The following GARNL3 variants were observed in gnomAD, a reference collection of about 807,000 sequenced individuals.
The protein encoded by GARNL3 is GTPase-activating Rap/Ran-GAP domain-like protein 3.
In GARNL3, 63 loss-of-function variants were observed where a neutral mutation model predicts 125.0. The ratio of observed to expected loss-of-function variants is 0.50; its 90% confidence interval spans 0.41 to 0.62. The LOEUF (loss-of-function observed/expected upper bound fraction) is 0.62, where lower values mean the gene tolerates loss of function less well. Among genes scored for constraint, GARNL3 ranks in the 20% least tolerant of loss-of-function variants. The probability of loss-of-function intolerance (pLI) is 0.00; values close to 1 mark genes in which losing one functional copy is unlikely to be tolerated. For synonymous variants in GARNL3, 439 were observed against 457.5 expected (o/e 0.96, Z 0.52); for missense variants, 994 against 1,244.0 (o/e 0.80, Z 3.02).
intron 1 of GARNL3, among the ~76,000 whole-genome samples, chr9:127,239,045 C>A (rs1419217000): frequency 1.3e-5 from 2 of 152,184 alleles, no homozygotes; most frequent in Non-Finnish European, 2.9e-5. Flanking sequence ...CCACATTTTC[C>A]CATCAGTCCA....
At chr9:127,267,353 A>T (rs894296857) in intron 1 of GARNL3, among the ~76,000 whole-genome samples, 1 of 152,192 alleles carries the variant, frequency 6.6e-6, no homozygotes, top group Non-Finnish European at 1.5e-5. Flanking sequence ...TCCAGTCCTT[A>T]TAGCTACAAA....
intron 2 of GARNL3, among the ~76,000 whole-genome samples, chr9:127,295,043 G>A (rs547780380): frequency 6.6e-6 from 1 of 152,226 alleles, no homozygotes; most frequent in Non-Finnish European, 1.5e-5. Flanking sequence ...TTCTCAGACT[G>A]TCCATCTTTT....
At chr9:127,232,658 T>G (rs2063039683) in intron 1 of GARNL3, among the ~76,000 whole-genome samples, 1 of 152,212 alleles carries the variant, frequency 6.6e-6, no homozygotes, top group Non-Finnish European at 1.5e-5. Context: ...TACCAGTAGT[T>G]AAATTTTTTC....
intron 2 of GARNL3, among the ~76,000 whole-genome samples, chr9:127,248,483 G>A (rs922619725): frequency 1.3e-5 from 2 of 152,064 alleles, no homozygotes; most frequent in Non-Finnish European, 2.9e-5. Context: ...TTGCCCCAGG[G>A]TGTAAACTTG....
At chr9:127,328,737 C>T (rs1266671082) in intron 7 of GARNL3, among the ~76,000 whole-genome samples, 1 of 152,160 alleles carries the variant, frequency 6.6e-6, no homozygotes, top group African/African-American at 2.4e-5. Flanking sequence ...AGTTTCCCCC[C>T]ATAGTTTGTT....
In GARNL3 at chr9:127,231,020, A is replaced by ATATATG. The variant is rs1490363496; in HGVS notation, c.-29+6688_-29+6693dup. Among the ~76,000 whole-genome samples the ATATATG allele has an allele frequency of 4.1e-3, 356 of 87,762 alleles. 2 individuals carry two copies. The highest frequency in any genetic ancestry group is 0.014 in the African/African-American group (345 of 25,114). The allele number at this position is 87,762 out of a possible 152,430, so 57.6% of individuals were successfully genotyped here. ...TATATACACATATGTGTATATATAC[A>ATATATG]TATATGTATATATACATATATATAT... On this transcript the variant is annotated intron_variant, in intron 1 of 10. Transcript: ENST00000439286.
chr9:127,370,781 G>A (rs749858401), intron 22 of GARNL3, among the ~76,000 whole-genome samples: 3 of 152,062 alleles, frequency 2.0e-5, no homozygotes, highest in African/African-American at 7.2e-5. Context: ...CCCCTTAAAC[G>A]CTGGCATTCC....
rs746643506 is a variant in GARNL3 at position 127,387,269 on chromosome 9, G to A, written c.2465G>A (p.Arg822Gln). 1.1e-5 allele frequency: 17 copies of A among 1,613,966 alleles called. No homozygotes were observed. The highest frequency in any genetic ancestry group is 2.2e-5 in the East Asian group (1 of 44,892). ...GGCAGCTCCAAGGGGGCCAGTGCCC[G>A]AAATTCTCCTCAGACACCCCCGGGC... Reference protein sequence around the residue: ...SGGSSKGASARNSPQTPPGRD... With the variant: ...SGGSSKGASAQNSPQTPPGRD... Residue 822 changes from arginine (R) to glutamine (Q), a missense_variant, in exon 25 of 28, where the codon CGA (arginine) becomes CAA (glutamine). Physicochemically the swap from Arg to Gln is conservative, Grantham distance 43. Coordinates refer to ENST00000373387, the MANE Select transcript of GARNL3 (RefSeq NM_032293.5).
At chr9:127,281,553 C>T (rs756776954) in intron 1 of GARNL3, among the ~76,000 whole-genome samples, 2 of 152,144 alleles carry the variant, frequency 1.3e-5, no homozygotes, top group Non-Finnish European at 2.9e-5. Context: ...CCCTGTCCCC[C>T]GGCACAGGCA....
At chr9:127,258,000 C>G (rs533333231) in intron 2 of GARNL3, among the ~76,000 whole-genome samples, 1 of 151,786 alleles carries the variant, frequency 6.6e-6, no homozygotes, top group Non-Finnish European at 1.5e-5. Context: ...ATTGTTTTAA[C>G]CCCCTGTTGC....
chr9:127,292,562 G>T (rs868432322), intron 2 of GARNL3, among the ~76,000 whole-genome samples: 4 of 152,308 alleles, frequency 2.6e-5, no homozygotes, highest in Middle Eastern at 6.8e-3. Flanking sequence ...CCAAAATTTT[G>T]CAGAACTTCA....
At chr9:127,379,773 C>G (rs1338659741) in intron 22 of GARNL3, among the ~76,000 whole-genome samples, 1 of 152,156 alleles carries the variant, frequency 6.6e-6, no homozygotes, top group East Asian at 1.9e-4. Context: ...AGAAAATATA[C>G]AATATAGTGA....
At chr9:127,300,463 G>T in intron 2 of GARNL3, 1 of 412,518 alleles carries the variant, frequency 2.4e-6, no homozygotes, top group Admixed American at 3.0e-5. Context: ...TCTTGTTTGG[G>T]TGAATTTTCT....
Position 127,385,512 on chromosome 9 carries a change from C to T in GARNL3, c.2388+367C>T, listed in dbSNP as rs188148210. Among the ~76,000 whole-genome samples the T allele has an allele frequency of 3.3e-5, 5 of 152,298 alleles. No individual in the cohort carries two copies. The highest frequency in any genetic ancestry group is 6.5e-5 in the Admixed American group (1 of 15,292). On this transcript the variant is annotated intron_variant, in intron 24 of 27. Transcript: ENST00000373387. This position sits in a 1 kb window ranked among gnomAD's most constrained non-coding sequence, Gnocchi z 4.1. ...GAGCTTGCAATCTTTCTTCCTTTCC[C>T]ACCCTCTATCCTCAGTTTGAATTCT...
chr9:127,333,199 A>G (rs532394153), intron 9 of GARNL3, 78 bp downstream of exon 9: 9 of 1,138,362 alleles, frequency 7.9e-6, no homozygotes, highest in East Asian at 7.1e-5. Context: ...CTGAACTTAT[A>G]CCAGAGAAGG....
intron 2 of GARNL3, among the ~76,000 whole-genome samples, chr9:127,304,162 T>G (rs1436280805): frequency 1.3e-5 from 2 of 152,256 alleles, no homozygotes; most frequent in Non-Finnish European, 2.9e-5. Context: ...TGTTCCTGTT[T>G]CATTGTCACC....
intron 2 of GARNL3, among the ~76,000 whole-genome samples, chr9:127,304,118 T>C (rs2064879036): frequency 6.6e-6 from 1 of 152,252 alleles, no homozygotes; most frequent in Non-Finnish European, 1.5e-5. Flanking sequence ...GCCTATTTTC[T>C]CCTAACTTTC....
intron 22 of GARNL3, among the ~76,000 whole-genome samples, chr9:127,370,747 C>T (rs1421125430): frequency 3.3e-5 from 5 of 152,172 alleles, no homozygotes; most frequent in East Asian, 1.9e-4. Flanking sequence ...AGTACTGTGC[C>T]GTTCACAGTC....
At chr9:127,271,108 G>A (rs988067604) in intron 1 of GARNL3, among the ~76,000 whole-genome samples, 1 of 150,154 alleles carries the variant, frequency 6.7e-6, no homozygotes, top group Non-Finnish European at 1.5e-5. Context: ...TTCAAAGAAG[G>A]GCATGAGCTG....
Sources: gnomAD v4.1 joint callset for allele counts (sites outside exome capture counted in the v4.1 genomes callset) on GRCh38, gnomAD v4.1.1 for gene constraint, Gnocchi (gnomAD v3.1) non-coding constraint, MANE v1.5 for transcripts, NCBI Gene and HGNC (gene_info 2026-07-23, HGNC 2026-07-21) for gene names.